The following PTPRD variants were observed in gnomAD, a reference collection of about 807,000 sequenced individuals.
PTPRD encodes the protein protein tyrosine phosphatase receptor type D.
PTPRD carries 34 observed loss-of-function variants against 214.5 expected under a neutral mutation model. The observed-to-expected ratio is 0.16, with a 90% CI of 0.12 to 0.21. The LOEUF (loss-of-function observed/expected upper bound fraction) is 0.21, where lower values mean the gene tolerates loss of function less well. Ranked by LOEUF, PTPRD falls within the 10% of genes least tolerant of loss-of-function variation. The probability of loss-of-function intolerance (pLI) is 1.00; values close to 1 mark genes in which losing one functional copy is unlikely to be tolerated. For missense variants in PTPRD, 2,545 were observed against 2,398.7 expected (o/e 1.06, Z -1.27); for synonymous variants, 1,128 against 845.7 (o/e 1.33, Z -5.79).
chr9:9,007,828 A>G (rs1296188669), intron 11 of PTPRD, among the ~76,000 whole-genome samples: 1 of 128,836 alleles, frequency 7.8e-6, no homozygotes, highest in South Asian at 2.4e-4. Context: ...TAAATATATA[A>G]TTTTTATTTG....
intron 14 of PTPRD, among the ~76,000 whole-genome samples, chr9:8,568,327 C>T (rs2090045706): frequency 6.6e-6 from 1 of 152,080 alleles, no homozygotes; most frequent in Non-Finnish European, 1.5e-5. Flanking sequence ...TCCTCCCTCC[C>T]TCCCTCTCTA....
intron 10 of PTPRD, among the ~76,000 whole-genome samples, chr9:9,031,645 T>C (rs973881021): frequency 2.0e-5 from 3 of 152,026 alleles, no homozygotes; most frequent in South Asian, 2.1e-4. Flanking sequence ...GACTGGAATG[T>C]TGTATATATA....
intron 9 of PTPRD, among the ~76,000 whole-genome samples, chr9:9,350,221 AAAT>A (rs1317311799): frequency 6.6e-6 from 1 of 152,086 alleles, no homozygotes; most frequent in Non-Finnish European, 1.5e-5. Flanking sequence ...TGTCATATAG[AAAT>A]AATAACTCTT....
chr9:8,573,817 A>T (rs892166252), intron 14 of PTPRD, among the ~76,000 whole-genome samples: 1 of 151,994 alleles, frequency 6.6e-6, no homozygotes, highest in Non-Finnish European at 1.5e-5. Context: ...CCAGTGTTCA[A>T]TATTATGATT....
At chr9:10,529,669 T>C (rs2055564959) in intron 2 of PTPRD, among the ~76,000 whole-genome samples, 1 of 151,590 alleles carries the variant, frequency 6.6e-6, no homozygotes, top group Non-Finnish European at 1.5e-5. Flanking sequence ...TATACGTATG[T>C]AACAAAACTG....
intron 12 of PTPRD, among the ~76,000 whole-genome samples, chr9:8,650,746 T>C (rs2096791522): frequency 6.6e-6 from 1 of 152,198 alleles, no homozygotes; most frequent in Non-Finnish European, 1.5e-5. Flanking sequence ...GTCAGTTTTA[T>C]TTTGTGCAAT....
chr9:10,052,026 T>C (rs1476140712), intron 3 of PTPRD, among the ~76,000 whole-genome samples: 4 of 152,094 alleles, frequency 2.6e-5, no homozygotes, highest in East Asian at 1.9e-4. Context: ...CTCATTGCAG[T>C]GTCAACCTCC....
intron 7 of PTPRD, among the ~76,000 whole-genome samples, chr9:9,655,556 G>T (rs1238728598): frequency 6.6e-6 from 1 of 151,450 alleles, no homozygotes; most frequent in Admixed American, 6.6e-5. Flanking sequence ...GTGATAAAAT[G>T]AGACTCCATC....
chr9:10,462,904 C>T (rs1467075065), intron 2 of PTPRD, among the ~76,000 whole-genome samples: 4 of 150,246 alleles, frequency 2.7e-5, no homozygotes, highest in African/African-American at 7.3e-5. Flanking sequence ...TGTAATATAG[C>T]ATTTTAAAAA....
intron 3 of PTPRD, among the ~76,000 whole-genome samples, chr9:10,320,430 A>C (rs79174071): frequency 0.017 from 2,529 of 152,156 alleles, 69 homozygotes; most frequent in African/African-American, 0.058. Context: ...AAAAAGGTAG[A>C]ATAAAGCATC....
At chr9:9,673,900 A>G (rs1445213142) in intron 7 of PTPRD, among the ~76,000 whole-genome samples, 8 of 151,798 alleles carry the variant, frequency 5.3e-5, no homozygotes, top group Non-Finnish European at 5.9e-5. Context: ...AGTACTCGAT[A>G]GAAGTAACTC....
chr9:9,157,511 G>C lies in PTPRD; in HGVS notation c.-143+25793C>G, dbSNP rs10816052. 2.2e-3 allele frequency among the ~76,000 whole-genome samples: 331 copies of C among 152,022 alleles called. 2 individuals carry two copies. The highest frequency in any genetic ancestry group is 7.4e-3 in the African/African-American group (306 of 41,450). ...CAACTGTATGTCAAAAAATTGGACA[G>C]TCTAGAAGAAATGGATAAATTCCTA... On this transcript the variant is annotated intron_variant, in intron 10 of 45. Transcript: ENST00000381196.
rs1564641427 is a variant in PTPRD at position 8,414,933 on chromosome 9, GAGA to G, written c.4087-10276_4087-10274del. Among the ~76,000 whole-genome samples the G allele has an allele frequency of 3.6e-3, 109 of 30,510 alleles. 1 individual carries two copies. The highest frequency in any genetic ancestry group is 0.019 in the South Asian group (6 of 308). 20.0% of individuals were successfully genotyped at this position (30,510 alleles called of 152,430 possible). A position where few individuals can be genotyped will look rare whatever the true frequency, so the allele number is the denominator to read the frequency against. On this transcript the variant is annotated intron_variant, in intron 35 of 45. Transcript: ENST00000381196. ...GGAGGGGGAGAGAGAGGGAGGGGGA[GAGA>G]GAGAGAGAGAGAGAGAGAGAGAGAG...
intron 5 of PTPRD, among the ~76,000 whole-genome samples, chr9:9,814,795 CTTT>C (rs34270280): frequency 0.045 from 4,734 of 106,296 alleles, 110 homozygotes; most frequent in African/African-American, 0.077. Context: ...ACCAAAGTGA[CTTT>C]TTTTTTTTTT....
chr9:10,404,477 A>C lies in PTPRD; in HGVS notation c.-599-63460T>G, dbSNP rs1332258076. ...TGTTATTTGATTTTTTCAAAAGTAC[A>C]TAATCTTTGTTAATTAAACAGTTTA... On this transcript the variant is annotated intron_variant, in intron 2 of 45. Coordinates refer to ENST00000381196, the MANE Select transcript of PTPRD (RefSeq NM_002839.4). 1.3e-4 allele frequency among the ~76,000 whole-genome samples: 19 copies of C among 151,764 alleles called. 1 individual carries two copies. The Admixed American group carries it at 1.3e-3, about 10-fold the overall frequency.
intron 7 of PTPRD, among the ~76,000 whole-genome samples, chr9:9,621,015 C>T (rs747090192): frequency 8.5e-5 from 13 of 152,122 alleles, no homozygotes; most frequent in Non-Finnish European, 1.6e-4. Flanking sequence ...CCCAATTCCC[C>T]TTGTGTTGGT....
chr9:10,346,715 T>C (rs777430616), intron 2 of PTPRD, among the ~76,000 whole-genome samples: 1 of 152,146 alleles, frequency 6.6e-6, no homozygotes, highest in Non-Finnish European at 1.5e-5. Flanking sequence ...GATCTGGTAA[T>C]GAGAGAGGAT....
chr9:10,480,209 G>T (rs962536335), intron 2 of PTPRD, among the ~76,000 whole-genome samples: 1 of 152,098 alleles, frequency 6.6e-6, no homozygotes, highest in Non-Finnish European at 1.5e-5. Context: ...GGCCCAACTT[G>T]GTTTGTCCCC....
At chr9:8,943,066 A>C (rs1329929977) in intron 11 of PTPRD, among the ~76,000 whole-genome samples, 1 of 152,110 alleles carries the variant, frequency 6.6e-6, no homozygotes, top group Non-Finnish European at 1.5e-5. Flanking sequence ...AATATGTAGG[A>C]ATTAACCAAA....
Sources: gnomAD v4.1 joint callset for allele counts (sites outside exome capture counted in the v4.1 genomes callset) on GRCh38, gnomAD v4.1.1 for gene constraint, MANE v1.5 for transcripts, NCBI Gene and HGNC (gene_info 2026-07-23, HGNC 2026-07-21) for gene names.